PHIP: variants seen among roughly 807,000 people sequenced by gnomAD.
PHIP encodes PHIP subunit of CUL4-Ring ligase complex.
A neutral mutation model predicts 236.8 loss-of-function variants in PHIP; 54 were observed. That is an observed-to-expected ratio of 0.23 (90% CI 0.18 to 0.29). The LOEUF (loss-of-function observed/expected upper bound fraction) is 0.29. Ranked by LOEUF, PHIP falls within the 10% of genes least tolerant of loss-of-function variation. The pLI is 1.00. For synonymous variants in PHIP, 756 were observed against 718.9 expected (o/e 1.05, Z -0.83); for missense variants, 1,370 against 2,190.8 (o/e 0.63, Z 7.48).
At chr6:79,068,822 T>G (rs920893509) in intron 4 of PHIP, among the ~76,000 whole-genome samples, 1 of 152,350 alleles carries the variant, frequency 6.6e-6, no homozygotes, top group Non-Finnish European at 1.5e-5. Context: ...TTCATTCCAA[T>G]TATTTGATTT....
Position 79,034,304 on chromosome 6 carries a change from T to C in PHIP, c.601-8140A>G, listed in dbSNP as rs1431625864. Among the ~76,000 whole-genome samples, 4 of 152,196 alleles carry C rather than the reference T, an allele frequency of 2.6e-5. No individual in the cohort carries two copies. The East Asian group carries it at 7.7e-4, about 29-fold the overall frequency. On this transcript the variant is annotated intron_variant, in intron 7 of 39. Transcript: ENST00000275034. ...CATTTTTCATAAAGCCTAGGCAGTGTCTAGTAACACATTTGACTTTAATGT... is the reference window on the plus strand; with the variant it reads ...CATTTTTCATAAAGCCTAGGCAGTGCCTAGTAACACATTTGACTTTAATGT...
Position 78,947,766 on chromosome 6 carries a change from C to T in PHIP, c.4063G>A (p.Asp1355Asn). ...AAATCCATTGGAGTGTCAATGATGT[C>T]TCTGTAGTCCTAGGAGAGGGAAAAC... ...VDLLEYPDYR[D>N]IIDTPMDFAT... Residue 1355 changes from aspartate to asparagine, a missense_variant, in exon 36 of 40, where the codon GAC (aspartate) becomes AAC (asparagine). By Grantham distance (23) the Asp-to-Asn change is conservative (BLOSUM62 1). Transcript: ENST00000275034. The T allele has an allele frequency of 1.2e-6, 2 of 1,606,936 alleles. No individual in the cohort carries two copies. Among genetic ancestry groups the T allele is most frequent in the South Asian group, 2.2e-5 (2 of 90,490 alleles).
At chr6:79,077,785 G>T in intron 2 of PHIP, 56 bp from the exon 3 acceptor site, 1 of 973,194 alleles carries the variant, frequency 1.0e-6, no homozygotes, top group Non-Finnish European at 1.2e-6. Flanking sequence ...CGGCCCCGCC[G>T]CCGCCGCCTC....
At chr6:78,944,031 T>C (rs1464238943) in intron 39 of PHIP, among the ~76,000 whole-genome samples, 1 of 142,596 alleles carries the variant, frequency 7.0e-6, no homozygotes, top group African/African-American at 2.6e-5. Context: ...CTTGATTCTA[T>C]CTAAAGAAGC....
chr6:78,962,363 C>T (rs1319410300), intron 30 of PHIP, among the ~76,000 whole-genome samples: 3 of 152,118 alleles, frequency 2.0e-5, no homozygotes, highest in African/African-American at 7.2e-5. Context: ...ATTTTTTGCT[C>T]ATTCGCATAT....
At chr6:78,990,126 T>A (rs907099984) in intron 20 of PHIP, among the ~76,000 whole-genome samples, 1 of 152,144 alleles carries the variant, frequency 6.6e-6, no homozygotes, top group Non-Finnish European at 1.5e-5. Flanking sequence ...AGGCCAGTTA[T>A]TTATTTTTCC....
chr6:78,973,460 C>G (rs556087709), intron 24 of PHIP, among the ~76,000 whole-genome samples: 1 of 132,208 alleles, frequency 7.6e-6, no homozygotes, highest in Non-Finnish European at 1.6e-5. Context: ...TAGGAAGAAA[C>G]TGCATCAACT....
At chr6:78,969,247 A>G (rs774938149) in intron 27 of PHIP, among the ~76,000 whole-genome samples, 2 of 152,228 alleles carry the variant, frequency 1.3e-5, no homozygotes, top group Non-Finnish European at 2.9e-5. Flanking sequence ...ACAGACTGGT[A>G]TATCAATTGA....
chr6:78,941,247 C>G lies in PHIP; in HGVS notation c.4912G>C (p.Gly1638Arg). The stretch of plus-strand genomic sequence containing the variant: ...TCTACTTTAGGTTTCCTTCCAGGTC[C>G]CCTCTTCACAAGTTTTGATGGCTGT... The part of the protein sequence containing the change: ...GGQPSKLVKR[G>R]PGRKPKVEVN... Residue 1638 changes from glycine to arginine, a missense_variant, in exon 40 of 40, where the codon GGA (glycine) becomes CGA (arginine). Gly to Arg is a moderately radical substitution (Grantham distance 125, BLOSUM62 -2). Transcript: ENST00000275034. 6.2e-7 allele frequency: 1 copy of G among 1,613,498 alleles called. No homozygotes were observed. Among genetic ancestry groups the G allele is most frequent in the South Asian group, 1.1e-5 (1 of 91,064 alleles).
rs1474145835 is a variant in PHIP, at chr6:78,946,772, T to C, written c.4309A>G (p.Ile1437Val). ...SALRFHKRNTITKRRKKRNRS... is the reference protein window; with the variant it reads ...SALRFHKRNTVTKRRKKRNRS... ...TTTCTTTTCTTCCTCCTTTTGGTTA[T>C]GGTATTTCTTTTATGAAAACGAAGA... is the stretch of plus-strand genomic sequence containing the variant. Residue 1437 changes from isoleucine to valine, a missense_variant, in exon 37 of 40, where the codon ATA (isoleucine) becomes GTA (valine). Transcript: ENST00000275034. The C allele has an allele frequency of 6.3e-7, 1 of 1,593,254 alleles. No individual in the cohort carries two copies. Among genetic ancestry groups the C allele is most frequent in the African/African-American group, 1.4e-5 (1 of 73,248 alleles).
intron 15 of PHIP, among the ~76,000 whole-genome samples, chr6:79,012,826 G>A (rs999274214): frequency 1.3e-5 from 2 of 151,558 alleles, no homozygotes; most frequent in Admixed American, 6.6e-5. Context: ...GAACAAAAGA[G>A]TGAAGAGCAA....
rs1445095774 is a variant in PHIP, at chr6:79,078,158, T to C, written c.-90A>G. 7.5e-7 allele frequency: 1 copy of C among 1,324,746 alleles called. No homozygotes were observed. The highest frequency in any genetic ancestry group is 2.0e-5 in the Admixed American group (1 of 48,800). 82.1% of individuals were successfully genotyped at this position (1,324,746 alleles called of 1,614,324 possible). On this transcript the variant is annotated 5_prime_UTR_variant, in exon 1 of 40. Transcript: ENST00000275034. ...CCGCCGCCTGCCCTATAGCTGTCAG[T>C]GTGTGTTCACGAGCCGAGCTTCGGC... is the stretch of plus-strand genomic sequence containing the variant.
At chr6:78,989,678 T>C (rs960376526) in intron 20 of PHIP, among the ~76,000 whole-genome samples, 6 of 152,192 alleles carry the variant, frequency 3.9e-5, no homozygotes, top group African/African-American at 1.4e-4. Flanking sequence ...ATTCCTTTTA[T>C]TTCTTAAAAA....
At chr6:79,039,878 G>A (rs1482104120) in intron 7 of PHIP, among the ~76,000 whole-genome samples, 1 of 152,098 alleles carries the variant, frequency 6.6e-6, no homozygotes, top group African/African-American at 2.4e-5. Context: ...TGGCAATTAT[G>A]CTATTTCCCT....
intron 7 of PHIP, among the ~76,000 whole-genome samples, chr6:79,039,962 A>G (rs1368767466): frequency 3.3e-5 from 5 of 152,062 alleles, no homozygotes; most frequent in African/African-American, 1.2e-4. Flanking sequence ...ATAATGATAC[A>G]TTTTCCTAAT....
chr6:78,948,550 G>C (rs1364747985), intron 35 of PHIP, among the ~76,000 whole-genome samples: 1 of 152,062 alleles, frequency 6.6e-6, no homozygotes, highest in East Asian at 1.9e-4. Context: ...TTAGAGTGCA[G>C]TTGGTGCCAT....
chr6:78,979,816 T>C (rs974395968), intron 23 of PHIP, among the ~76,000 whole-genome samples: 21 of 152,076 alleles, frequency 1.4e-4, no homozygotes, highest in Non-Finnish European at 2.4e-4. Flanking sequence ...ATTATCAGTA[T>C]AAAATAATAC....
At chr6:79,063,180 A>G (rs190084795) in intron 4 of PHIP, among the ~76,000 whole-genome samples, 1 of 152,174 alleles carries the variant, frequency 6.6e-6, no homozygotes, top group African/African-American at 2.4e-5. Flanking sequence ...TGTGTCCTGC[A>G]TAAGGAGAGA....
chr6:79,035,557 T>TTAA (rs1771891371), intron 7 of PHIP, among the ~76,000 whole-genome samples: 2 of 152,220 alleles, frequency 1.3e-5, no homozygotes, highest in African/African-American at 4.8e-5. Context: ...TTAGAGAATT[T>TTAA]GGCATTCCTT....
Sources: allele counts gnomAD v4.1 joint callset (sites outside exome capture counted in the v4.1 genomes callset), GRCh38; gene constraint gnomAD v4.1.1; transcripts MANE v1.5; gene names NCBI Gene and HGNC (gene_info 2026-07-23, HGNC 2026-07-21).